The following TBC1D5 variants were observed in gnomAD, a reference collection of about 807,000 sequenced individuals.
The protein encoded by TBC1D5 is TBC1 domain family member 5.
A neutral mutation model predicts 100.3 loss-of-function variants in TBC1D5; 75 were observed. The observed-to-expected ratio is 0.75, with a 90% confidence interval of 0.62 to 0.91. The LOEUF (loss-of-function observed/expected upper bound fraction) is 0.91, where lower values mean the gene tolerates loss of function less well. Ranked by LOEUF, TBC1D5 falls within the 40% of genes least tolerant of loss-of-function variation. The pLI is 0.00. For missense variants in TBC1D5, 910 were observed against 942.4 expected, an observed-to-expected ratio of 0.97 and a Z score of 0.45; for synonymous variants, 323 against 325.6, an observed-to-expected ratio of 0.99 and a Z score of 0.09.
intron 14 of TBC1D5, among the ~76,000 whole-genome samples, chr3:17,300,687 G>T (rs2082733162): frequency 6.6e-6 from 1 of 152,210 alleles, no homozygotes; most frequent in Admixed American, 6.5e-5. Context: ...GAAGTGGGTA[G>T]AAGTGCCAAG....
intron 3 of TBC1D5, among the ~76,000 whole-genome samples, chr3:17,433,009 G>C (rs1278655392): frequency 5.6e-5 from 8 of 141,948 alleles, no homozygotes; most frequent in Admixed American, 6.9e-5. Flanking sequence ...AAAATTTCGT[G>C]GTGTTTACAC....
At chr3:17,640,805 C>G (rs1427522755) in intron 1 of TBC1D5, among the ~76,000 whole-genome samples, 1 of 151,910 alleles carries the variant, frequency 6.6e-6, no homozygotes, top group Non-Finnish European at 1.5e-5. Context: ...AAAGAACAAA[C>G]TATGGAGTTT....
At chr3:17,285,322 G>A (rs2081066979) in intron 15 of TBC1D5, among the ~76,000 whole-genome samples, 1 of 135,800 alleles carries the variant, frequency 7.4e-6, no homozygotes, top group African/African-American at 2.8e-5. Flanking sequence ...GTGCAGTGGC[G>A]CGATCTCGGC....
At chr3:17,399,779 G>A (rs1432870776) in intron 8 of TBC1D5, among the ~76,000 whole-genome samples, 2 of 152,030 alleles carry the variant, frequency 1.3e-5, no homozygotes, top group East Asian at 1.9e-4. Context: ...TGCTCTAGCC[G>A]AACTGACTTC....
At chr3:17,687,695 T>C (rs1216042230) in intron 1 of TBC1D5, among the ~76,000 whole-genome samples, 1 of 152,178 alleles carries the variant, frequency 6.6e-6, no homozygotes, top group Non-Finnish European at 1.5e-5. Flanking sequence ...CTAATCTACC[T>C]ACATTGCAGG....
intron 4 of TBC1D5, among the ~76,000 whole-genome samples, chr3:17,424,823 G>A (rs776905429): frequency 3.9e-5 from 6 of 152,036 alleles, no homozygotes; most frequent in Non-Finnish European, 8.8e-5. Flanking sequence ...GGCACATAAA[G>A]CTATAGTTAG....
chr3:17,351,106 G>A (rs1411639265), intron 13 of TBC1D5, among the ~76,000 whole-genome samples: 1 of 152,060 alleles, frequency 6.6e-6, no homozygotes, highest in African/African-American at 2.4e-5. Flanking sequence ...TTATTCAATA[G>A]AGTCAAAATT....
chr3:17,322,136 G>A lies in TBC1D5; in HGVS notation c.996-14002C>T, dbSNP rs562630606. On this transcript the variant is annotated intron_variant, in intron 13 of 21. Transcript: ENST00000253692. ...TAAAGAAAGATCTTCATTGTGAATTGTAAACTTCTTAACTATGAATTGTTC... is the reference window on the plus strand; with the variant it reads ...TAAAGAAAGATCTTCATTGTGAATTATAAACTTCTTAACTATGAATTGTTC... Among the ~76,000 whole-genome samples, 8 of 152,282 alleles carry A rather than the reference G, an allele frequency of 5.3e-5. No individual in the cohort carries two copies. The East Asian group carries it at 1.5e-3, about 29-fold the overall frequency.
chr3:17,453,067 T>C (rs2094964085), intron 3 of TBC1D5, among the ~76,000 whole-genome samples: 1 of 137,082 alleles, frequency 7.3e-6, no homozygotes, highest in Non-Finnish European at 1.6e-5. Flanking sequence ...GACCAGCAGG[T>C]CAATGAAGAA....
chr3:17,638,556 C>G (rs1384873500), intron 1 of TBC1D5, among the ~76,000 whole-genome samples: 1 of 152,088 alleles, frequency 6.6e-6, no homozygotes, highest in East Asian at 1.9e-4. Flanking sequence ...TTCAGACTGT[C>G]TCAGCAGTAA....
chr3:17,241,943 A>C (rs1053006260), intron 16 of TBC1D5, among the ~76,000 whole-genome samples: 17 of 152,240 alleles, frequency 1.1e-4, no homozygotes, highest in African/African-American at 4.1e-4. Context: ...TCCAACCTTA[A>C]AAGAATCAAA....
At position 17,355,005 on chromosome 3, in the gene TBC1D5, CA is replaced by C. The variant is rs537128591; in HGVS notation, c.995+17069del. ...TGACCTAAAATAGTTTTGAACTATTCACCAGCTGGGCAATAGCTGAAAATCC... is the reference window on the plus strand; with the variant it reads ...TGACCTAAAATAGTTTTGAACTATTCCCAGCTGGGCAATAGCTGAAAATCC... On this transcript the variant is annotated intron_variant, in intron 13 of 21. Coordinates refer to ENST00000253692, the Ensembl canonical transcript of TBC1D5. Among the ~76,000 whole-genome samples, 257 of 152,238 alleles carry C rather than the reference CA, an allele frequency of 1.7e-3. 1 individual carries two copies. The highest frequency in any genetic ancestry group is 6.0e-3 in the African/African-American group (248 of 41,558).
Position 17,290,072 on chromosome 3 carries a change from C to T in TBC1D5, c.1245+1823G>A, listed in dbSNP as rs777674960. The stretch of plus-strand genomic sequence containing the variant: ...CTACTGAGCCTTTTAAATATGACTC[C>T]CTCATCATGCCCAATTTATTATGTC... On this transcript the variant is annotated intron_variant, in intron 15 of 21. Coordinates refer to ENST00000253692, the Ensembl canonical transcript of TBC1D5. 4.7e-4 allele frequency among the ~76,000 whole-genome samples: 72 copies of T among 152,130 alleles called. 1 individual carries two copies. Among genetic ancestry groups the T allele is most frequent in the Non-Finnish European group, 8.1e-4 (55 of 68,030 alleles).
chr3:17,323,278 C>G (rs958785387), intron 13 of TBC1D5, among the ~76,000 whole-genome samples: 1 of 152,190 alleles, frequency 6.6e-6, no homozygotes, highest in African/African-American at 2.4e-5. Context: ...GCCAGCATTA[C>G]TGGCATTCCA....
At chr3:17,705,995 T>TTTA in intron 1 of TBC1D5, 2 of 1,466,956 alleles carry the variant, frequency 1.4e-6, no homozygotes, top group Non-Finnish European at 9.1e-7. Context: ...TTTTTTTTTT[T>TTTA]GAGACGGAGT....
intron 14 of TBC1D5, among the ~76,000 whole-genome samples, chr3:17,307,023 C>T (rs1575236591): frequency 6.6e-6 from 1 of 152,160 alleles, no homozygotes; most frequent in East Asian, 1.9e-4. Context: ...TGTGGTGCTC[C>T]TGTCACTTAT....
chr3:17,367,563 C>T (rs1428306563), intron 13 of TBC1D5, among the ~76,000 whole-genome samples: 1 of 152,010 alleles, frequency 6.6e-6, no homozygotes, highest in Non-Finnish European at 1.5e-5. Flanking sequence ...AAAGACAACT[C>T]AATATGTTAA....
At chr3:17,680,582 A>G (rs978153055) in intron 1 of TBC1D5, among the ~76,000 whole-genome samples, 1 of 151,306 alleles carries the variant, frequency 6.6e-6, no homozygotes, top group African/African-American at 2.5e-5. Context: ...ACTCATTTAG[A>G]TAGCCAAACT....
intron 16 of TBC1D5, 73 bp from the exon 17 acceptor site, chr3:17,238,492 AAAAGCACAC>A: frequency 6.6e-7 from 1 of 1,505,078 alleles, no homozygotes; most frequent in Non-Finnish European, 8.9e-7. Flanking sequence ...TAATTGGTAT[AAAAGCACAC>A]CTTGTCTGCT....
Sources: allele counts gnomAD v4.1 joint callset (sites outside exome capture counted in the v4.1 genomes callset), GRCh38; gene constraint gnomAD v4.1.1; transcripts MANE v1.5; gene names NCBI Gene and HGNC (gene_info 2026-07-23, HGNC 2026-07-21).